Variants in KHDRBS2 observed in about 807,000 individuals in gnomAD.
The protein encoded by KHDRBS2 is KH domain-containing, RNA-binding, signal transduction-associated protein 2.
In KHDRBS2, 26 loss-of-function variants were observed where a neutral mutation model predicts 44.3. The ratio of observed to expected loss-of-function variants is 0.59; its 90% CI spans 0.43 to 0.81. The LOEUF is 0.81. KHDRBS2 is among the 40% of genes least tolerant of loss of function. The probability of loss-of-function intolerance (pLI) is 0.00; values close to 1 mark genes in which losing one functional copy is unlikely to be tolerated. For missense variants in KHDRBS2, 476 were observed against 433.1 expected, an observed-to-expected ratio of 1.10 and a Z score of -0.88; for synonymous variants, 194 against 151.1, an observed-to-expected ratio of 1.28 and a Z score of -2.08.
chr6:61,983,625 A>C (rs1774431146), intron 3 of KHDRBS2, among the ~76,000 whole-genome samples: 1 of 152,098 alleles, frequency 6.6e-6, no homozygotes, highest in Admixed American at 6.6e-5. Context: ...GGCTTTTAAA[A>C]GTCCAATCTG....
In KHDRBS2 at chr6:62,021,449, A is replaced by G. The variant is rs1237249536; in HGVS notation, c.336+26429T>C. ...AATAAAAATGTGTGTTTCTTGCAGT[A>G]TCATACAGTTGGGTCTTGTGTGTGT... On this transcript the variant is annotated intron_variant, in intron 3 of 8. Transcript: ENST00000281156. Among the ~76,000 whole-genome samples, 18 of 151,952 alleles carry G rather than the reference A, an allele frequency of 1.2e-4. 1 individual carries two copies. The highest frequency in any genetic ancestry group is 1.2e-3 in the Admixed American group (18 of 15,238).
At chr6:62,058,645 A>C (rs1790875463) in intron 2 of KHDRBS2, among the ~76,000 whole-genome samples, 1 of 151,926 alleles carries the variant, frequency 6.6e-6, no homozygotes, top group Non-Finnish European at 1.5e-5. Flanking sequence ...ACCAATCATC[A>C]AAAAACATTG....
At position 61,883,193 on chromosome 6, in the gene KHDRBS2, C is replaced by T. The variant is rs536868648; in HGVS notation, c.810+11442G>A. ...ATCAAAAGATAGAAAATAATATAGC[C>T]TAAAATATACAAATAATGTTTCAAA... On this transcript the variant is annotated intron_variant, in intron 6 of 8. Transcript: ENST00000281156. Among the ~76,000 whole-genome samples the T allele has an allele frequency of 4.6e-5, 7 of 152,004 alleles. No homozygotes were observed. The South Asian group carries it at 1.0e-3, about 22-fold the overall frequency.
chr6:61,554,932 C>T, the KHDRBS2 span, among the ~76,000 whole-genome samples: 1 of 152,052 alleles, frequency 6.6e-6, no homozygotes, highest in Non-Finnish European at 1.5e-5. Context: ...TCTCTAGCTG[C>T]TTTTAACATT....
the KHDRBS2 span, among the ~76,000 whole-genome samples, chr6:61,606,635 A>T: frequency 6.6e-6 from 1 of 152,200 alleles, no homozygotes; most frequent in African/African-American, 2.4e-5. Flanking sequence ...GGAAAGAGAA[A>T]GAAAGAAAGG....
the KHDRBS2 span, among the ~76,000 whole-genome samples, chr6:61,601,143 G>A: frequency 6.6e-6 from 1 of 152,056 alleles, no homozygotes; most frequent in Admixed American, 6.6e-5. Flanking sequence ...CCACATTGCA[G>A]CCCAGGGCTG....
chr6:61,629,679 T>C, the KHDRBS2 span, among the ~76,000 whole-genome samples: 7 of 152,190 alleles, frequency 4.6e-5, no homozygotes, highest in African/African-American at 9.7e-5. Flanking sequence ...GTTTATACAT[T>C]CTGAACCTGA....
intron 4 of KHDRBS2, among the ~76,000 whole-genome samples, chr6:61,930,447 C>A (rs1266456343): frequency 7.2e-6 from 1 of 139,396 alleles, no homozygotes; most frequent in Non-Finnish European, 1.5e-5. Context: ...AGGGGAATAA[C>A]TTCTAGTTAT....
chr6:62,205,455 C>A (rs9354804), intron 1 of KHDRBS2, among the ~76,000 whole-genome samples: 92,295 of 151,874 alleles, frequency 0.61, 28,213 homozygotes, highest in Non-Finnish European at 0.62. Flanking sequence ...ACACAAAGTA[C>A]GGTCTTCTTT....
At chr6:62,270,027 T>C (rs569089417) in intron 1 of KHDRBS2, among the ~76,000 whole-genome samples, 4 of 152,114 alleles carry the variant, frequency 2.6e-5, no homozygotes, top group Non-Finnish European at 5.9e-5. Context: ...CAAAATTTTC[T>C]CTAATAACAG....
At chr6:61,678,187 G>A (rs1309721899), downstream of KHDRBS2, among the ~76,000 whole-genome samples, 3 of 151,868 alleles carry the variant, frequency 2.0e-5, no homozygotes, top group African/African-American at 4.8e-5. Flanking sequence ...AAAACCCTGC[G>A]TTAAACATCA....
At chr6:61,918,433 T>C (rs1807426460) in intron 4 of KHDRBS2, among the ~76,000 whole-genome samples, 1 of 151,920 alleles carries the variant, frequency 6.6e-6, no homozygotes, top group African/African-American at 2.4e-5. Context: ...AAACCAGGTT[T>C]GGATGTTGTT....
At chr6:62,044,256 A>C (rs1024532406) in intron 3 of KHDRBS2, among the ~76,000 whole-genome samples, 1 of 151,972 alleles carries the variant, frequency 6.6e-6, no homozygotes, top group African/African-American at 2.4e-5. Flanking sequence ...CTTGAGGATC[A>C]CTTGAATCCA....
At chr6:62,220,044 T>C (rs576908) in intron 1 of KHDRBS2, among the ~76,000 whole-genome samples, 25,954 of 150,588 alleles carry the variant, frequency 0.17, 2,515 homozygotes, top group African/African-American at 0.26. Flanking sequence ...ATACTATAAG[T>C]AGGGAAAAAA....
At chr6:62,231,317 C>T (rs1253416223) in intron 1 of KHDRBS2, among the ~76,000 whole-genome samples, 5 of 152,140 alleles carry the variant, frequency 3.3e-5, no homozygotes, top group Non-Finnish European at 7.4e-5. Context: ...TGGCAGAAGG[C>T]GAAGGAGAAG....
intron 6 of KHDRBS2, among the ~76,000 whole-genome samples, chr6:61,746,845 A>G (rs1292085577): frequency 6.6e-6 from 1 of 152,126 alleles, no homozygotes; most frequent in Non-Finnish European, 1.5e-5. Flanking sequence ...AAAACACCAA[A>G]AGCAATGGCA....
chr6:61,550,394 A>T, the KHDRBS2 span, among the ~76,000 whole-genome samples: 6 of 152,180 alleles, frequency 3.9e-5, no homozygotes, highest in Non-Finnish European at 7.3e-5. Flanking sequence ...GCTGCATAGT[A>T]TTCCATGGTG....
intron 2 of KHDRBS2, among the ~76,000 whole-genome samples, chr6:62,130,060 G>T (rs115984661): frequency 7.5e-4 from 114 of 152,178 alleles, no homozygotes; most frequent in African/African-American, 2.5e-3. Context: ...ATTGCTTATG[G>T]TTATCATTTT....
intron 4 of KHDRBS2, among the ~76,000 whole-genome samples, chr6:61,969,012 C>G (rs905793525): frequency 6.6e-6 from 1 of 151,874 alleles, no homozygotes; most frequent in Non-Finnish European, 1.5e-5. Flanking sequence ...CCTTAGAAAC[C>G]TGTTAATTGT....
Sources: allele counts gnomAD v4.1 joint callset (sites outside exome capture counted in the v4.1 genomes callset), GRCh38; gene constraint gnomAD v4.1.1; transcripts MANE v1.5; gene names NCBI Gene and HGNC (gene_info 2026-07-23, HGNC 2026-07-21).